Variants in NTNG1 observed in about 807,000 individuals in gnomAD.
The protein encoded by NTNG1 is netrin-G1.
NTNG1 carries 16 observed loss-of-function variants against 54.0 expected under a neutral mutation model. The ratio of observed to expected loss-of-function variants is 0.30; its 90% CI spans 0.20 to 0.45. NTNG1 has a LOEUF of 0.45. Among genes scored for constraint, NTNG1 ranks in the 20% least tolerant of loss-of-function variants. The pLI is 1.00. For missense variants in NTNG1, 530 were observed against 678.7 expected, an observed-to-expected ratio of 0.78 and a Z score of 2.43; for synonymous variants, 255 against 263.1, an observed-to-expected ratio of 0.97 and a Z score of 0.30.
intron 2 of NTNG1, among the ~76,000 whole-genome samples, chr1:107,200,036 C>T (rs749912159): frequency 2.0e-5 from 3 of 151,788 alleles, no homozygotes; most frequent in Non-Finnish European, 2.9e-5. Context: ...GTTAGAAGTA[C>T]TAGACATGAC....
In NTNG1 at chr1:107,164,743, A is replaced by G. The variant is rs575199342; in HGVS notation, c.246+15904A>G. 4.9e-4 allele frequency among the ~76,000 whole-genome samples: 74 copies of G among 152,334 alleles called. 1 individual carries two copies. The highest frequency in any genetic ancestry group is 1.8e-3 in the African/African-American group (74 of 41,578). ...GTAATGGTTTTGGTTTTGCATCTAC[A>G]TTTTTACAGCTGTTAGAAACAAAAC... On this transcript the variant is annotated intron_variant, in intron 2 of 7. Transcript: ENST00000370068.
At chr1:107,385,488 C>T (rs114499598) in intron 3 of NTNG1, among the ~76,000 whole-genome samples, 12 of 151,914 alleles carry the variant, frequency 7.9e-5, no homozygotes, top group Admixed American at 2.6e-4. Context: ...AATACCCCAT[C>T]GGTCAGAACA....
chr1:107,166,103 T>C (rs953152984), intron 2 of NTNG1, among the ~76,000 whole-genome samples: 4 of 152,100 alleles, frequency 2.6e-5, no homozygotes, highest in Non-Finnish European at 2.9e-5. Context: ...TAAATAGCAA[T>C]GGGAACACAG....
intron 2 of NTNG1, among the ~76,000 whole-genome samples, chr1:107,297,216 C>CATATATATATATAT (rs755223720): frequency 7.8e-3 from 120 of 15,430 alleles, no homozygotes; most frequent in African/African-American, 0.018. Flanking sequence ...TATATACCAT[C>CATATATATATATAT]ATATATATAT....
chr1:107,448,183 C>T (rs1676416452), intron 7 of NTNG1, among the ~76,000 whole-genome samples: 1 of 152,032 alleles, frequency 6.6e-6, no homozygotes, highest in African/African-American at 2.4e-5. Context: ...GATATCTGAG[C>T]AGGAACCTTA....
intron 2 of NTNG1, among the ~76,000 whole-genome samples, chr1:107,232,225 C>T (rs1661117048): frequency 6.6e-6 from 1 of 152,108 alleles, no homozygotes; most frequent in African/African-American, 2.4e-5. Flanking sequence ...AGTACAGATC[C>T]AGAATAATAA....
chr1:107,238,090 T>C (rs986284576), intron 2 of NTNG1, among the ~76,000 whole-genome samples: 1 of 152,070 alleles, frequency 6.6e-6, no homozygotes, highest in East Asian at 1.9e-4. Context: ...CCAGGAGGGA[T>C]ACTATACCCT....
chr1:107,395,139 C>G lies in NTNG1; in HGVS notation c.888-15C>G, dbSNP rs778181059. ...ACTTATCTGACAATGAACTCTTTGT[C>G]TCTCCTCTGCCCAGGTGCAAGTGTA... On this transcript the variant is annotated splice_polypyrimidine_tract_variant and intron_variant, in intron 3 of 7. Coordinates refer to ENST00000370068, the MANE Select transcript of NTNG1 (RefSeq NM_001113226.3). 1 of 1,605,850 alleles carries G rather than the reference C, an allele frequency of 6.2e-7. No homozygotes were observed. The highest frequency in any genetic ancestry group is 8.5e-7 in the Non-Finnish European group (1 of 1,175,132).
At chr1:107,212,699 T>G (rs1368963452) in intron 2 of NTNG1, among the ~76,000 whole-genome samples, 3 of 152,182 alleles carry the variant, frequency 2.0e-5, no homozygotes, top group African/African-American at 7.2e-5. Flanking sequence ...AAGAACTTAC[T>G]GAAGAAAACT....
intron 3 of NTNG1, among the ~76,000 whole-genome samples, chr1:107,389,925 G>A (rs936918364): frequency 1.3e-5 from 2 of 152,216 alleles, no homozygotes; most frequent in African/African-American, 4.8e-5. Flanking sequence ...ATCTGTCAGA[G>A]ACAAGTGGGA....
intron 2 of NTNG1, among the ~76,000 whole-genome samples, chr1:107,299,681 A>C (rs75809825): frequency 0.082 from 12,519 of 152,208 alleles, 630 homozygotes; most frequent in East Asian, 0.2. Context: ...ACCAGTGTCC[A>C]AGCCTGTCAC....
At position 107,280,268 on chromosome 1, in the gene NTNG1, C is replaced by T. The variant is rs960644113; in HGVS notation, c.247-44014C>T. 7.8e-4 allele frequency among the ~76,000 whole-genome samples: 109 copies of T among 140,520 alleles called. 1 individual carries two copies. Among genetic ancestry groups the T allele is most frequent in the African/African-American group, 2.9e-3 (108 of 37,706 alleles). 92.2% of individuals were successfully genotyped at this position (140,520 alleles called of 152,430 possible). On this transcript the variant is annotated intron_variant, in intron 2 of 7. Coordinates refer to ENST00000370068, the MANE Select transcript of NTNG1 (RefSeq NM_001113226.3). The stretch of plus-strand genomic sequence containing the variant: ...ATTTTTCTTTTTTATTTCTGACAAT[C>T]GCTTATTCTGTGTGTTCTCTGCTCT...
chr1:107,405,122 C>A (rs951845561), intron 4 of NTNG1, among the ~76,000 whole-genome samples: 4 of 152,108 alleles, frequency 2.6e-5, no homozygotes, highest in African/African-American at 9.7e-5. Context: ...TTACCTGTAG[C>A]CTTTCTAGTG....
intron 7 of NTNG1, among the ~76,000 whole-genome samples, chr1:107,464,712 C>A (rs1165985062): frequency 1.3e-5 from 2 of 152,158 alleles, no homozygotes; most frequent in African/African-American, 4.8e-5. Flanking sequence ...AGGCCAAGTT[C>A]GAATGGTAAT....
intron 3 of NTNG1, among the ~76,000 whole-genome samples, chr1:107,387,092 G>A (rs2101056236): frequency 6.6e-6 from 1 of 152,224 alleles, no homozygotes; most frequent in African/African-American, 2.4e-5. Context: ...TTCTAATTGG[G>A]TTATTTGTCA....
intron 2 of NTNG1, among the ~76,000 whole-genome samples, chr1:107,191,941 G>A (rs1194834966): frequency 6.6e-6 from 1 of 152,126 alleles, no homozygotes; most frequent in Non-Finnish European, 1.5e-5. Context: ...GAACTTTAAA[G>A]TAGTTTTCTC....
chr1:107,325,680 A>G (rs2101882599), intron 3 of NTNG1, among the ~76,000 whole-genome samples: 1 of 152,168 alleles, frequency 6.6e-6, no homozygotes, highest in African/African-American at 2.4e-5. Context: ...GAGAACCAGA[A>G]CCACCACATA....
chr1:107,156,803 C>T (rs1655033890), intron 2 of NTNG1, among the ~76,000 whole-genome samples: 1 of 152,246 alleles, frequency 6.6e-6, no homozygotes, highest in Middle Eastern at 3.4e-3. Context: ...GCAGGTCCCA[C>T]TCTCTGGTCA....
intron 2 of NTNG1, among the ~76,000 whole-genome samples, chr1:107,228,079 A>G (rs942710957): frequency 9.9e-5 from 15 of 152,160 alleles, no homozygotes; most frequent in Admixed American, 7.2e-4. Flanking sequence ...GTATCAGGTA[A>G]TCCACATCTG....
Sources: gnomAD v4.1 joint callset for allele counts (sites outside exome capture counted in the v4.1 genomes callset) on GRCh38, gnomAD v4.1.1 for gene constraint, MANE v1.5 for transcripts, NCBI Gene and HGNC (gene_info 2026-07-23, HGNC 2026-07-21) for gene names.